The following INPP4B variants were observed in gnomAD, a reference collection of about 807,000 sequenced individuals.
INPP4B encodes the protein inositol polyphosphate-4-phosphatase type II B.
A neutral mutation model predicts 122.5 loss-of-function variants in INPP4B; 55 were observed. The ratio of observed to expected loss-of-function variants is 0.45; its 90% CI spans 0.36 to 0.56. INPP4B has a LOEUF of 0.56. INPP4B is among the 20% of genes least tolerant of loss of function. The pLI, the probability that INPP4B is intolerant of heterozygous loss-of-function variation, is 0.00. For synonymous variants in INPP4B, 403 were observed against 388.7 expected, an observed-to-expected ratio of 1.04 and a Z score of -0.43; for missense variants, 1,000 against 1,097.7, an observed-to-expected ratio of 0.91 and a Z score of 1.26.
chr4:142,781,900 T>G (rs1774883410), intron 1 of INPP4B, among the ~76,000 whole-genome samples: 1 of 152,144 alleles, frequency 6.6e-6, no homozygotes, highest in African/African-American at 2.4e-5. Context: ...GTCCATTGCT[T>G]TACTTACTGG....
intron 2 of INPP4B, among the ~76,000 whole-genome samples, chr4:142,487,419 CGTTT>C (rs745810705): frequency 5.7e-4 from 87 of 152,158 alleles, no homozygotes; most frequent in Non-Finnish European, 8.7e-4. Context: ...TTCTTCAAAA[CGTTT>C]GTCTATTCTT....
intron 25 of INPP4B, among the ~76,000 whole-genome samples, chr4:142,037,994 C>T (rs1745034607): frequency 6.6e-6 from 1 of 152,132 alleles, no homozygotes; most frequent in African/African-American, 2.4e-5. Context: ...CTTGAGAACA[C>T]AGTTTCCCTA....
At chr4:142,560,611 G>A (rs1276266011) in intron 2 of INPP4B, 1 of 152,202 alleles carries the variant, frequency 6.6e-6, no homozygotes, top group Non-Finnish European at 1.5e-5. Flanking sequence ...ACTGGTGTAA[G>A]TCCAAGAGCC....
At chr4:142,409,603 G>C (rs956670421) in intron 5 of INPP4B, among the ~76,000 whole-genome samples, 3 of 151,974 alleles carry the variant, frequency 2.0e-5, no homozygotes, top group African/African-American at 7.3e-5. Context: ...GTCCAGGGAG[G>C]GCTAGGCACT....
chr4:142,197,987 G>C (rs141294298), intron 14 of INPP4B, among the ~76,000 whole-genome samples: 1 of 152,046 alleles, frequency 6.6e-6, no homozygotes, highest in Admixed American at 6.6e-5. Context: ...CAGCAACAAT[G>C]AGCATATACT....
chr4:142,164,482 G>A (rs1240432286), intron 16 of INPP4B, among the ~76,000 whole-genome samples: 1 of 151,730 alleles, frequency 6.6e-6, no homozygotes, highest in Non-Finnish European at 1.5e-5. Flanking sequence ...CTTGATATAG[G>A]AATAGTGCTA....
At chr4:142,426,588 A>G (rs1264562765) in intron 5 of INPP4B, 1 of 152,002 alleles carries the variant, frequency 6.6e-6, no homozygotes, top group Non-Finnish European at 1.5e-5. Context: ...TGTGCTCAAG[A>G]CACTTTTAGC....
At chr4:142,186,181 T>C (rs1833130437) in intron 15 of INPP4B, among the ~76,000 whole-genome samples, 1 of 152,212 alleles carries the variant, frequency 6.6e-6, no homozygotes, top group South Asian at 2.1e-4. Flanking sequence ...ATATATCCTT[T>C]CTATATATTT....
intron 1 of INPP4B, among the ~76,000 whole-genome samples, chr4:142,756,061 C>A (rs999198273): frequency 3.3e-5 from 5 of 152,012 alleles, no homozygotes; most frequent in African/African-American, 1.2e-4. Context: ...GATCCTCTTG[C>A]TAGTGGTTGC....
At chr4:142,242,447 T>C (rs992538934) in intron 11 of INPP4B, among the ~76,000 whole-genome samples, 2 of 152,310 alleles carry the variant, frequency 1.3e-5, no homozygotes, top group Admixed American at 1.3e-4. Flanking sequence ...GTGAATTTCA[T>C]CTGTAGAATT....
chr4:142,215,892 C>CAAAAAAAAAAAAAAAAAAAAAAAAAAAA (rs200657873), intron 12 of INPP4B, among the ~76,000 whole-genome samples: 3 of 54,574 alleles, frequency 5.5e-5, no homozygotes, highest in South Asian at 5.1e-4. Flanking sequence ...GACTCTGTCT[C>CAAAAAAAAAAAAAAAAAAAAAAAAAAAA]AAAAAAAAAA....
At chr4:142,028,954 A>G in intron 25 of INPP4B, 40 bp from the exon 26 acceptor site, 1 of 1,587,892 alleles carries the variant, frequency 6.3e-7, no homozygotes, top group Non-Finnish European at 8.6e-7. Flanking sequence ...TGAAACACAG[A>G]ATAAATAAAT....
chr4:142,154,697 G>A (rs2152882546), intron 17 of INPP4B, among the ~76,000 whole-genome samples: 1 of 152,210 alleles, frequency 6.6e-6, no homozygotes, highest in Non-Finnish European at 1.5e-5. Flanking sequence ...TGGACATAGT[G>A]CAGAATTATA....
chr4:142,491,242 A>G (rs527579551), intron 2 of INPP4B, among the ~76,000 whole-genome samples: 1 of 152,336 alleles, frequency 6.6e-6, no homozygotes, highest in African/African-American at 2.4e-5. Flanking sequence ...TTATATAAAA[A>G]TCAACTCAAA....
intron 2 of INPP4B, among the ~76,000 whole-genome samples, chr4:142,619,194 T>G (rs1392466279): frequency 6.6e-6 from 1 of 151,624 alleles, no homozygotes; most frequent in East Asian, 1.9e-4. Context: ...AAAAAAAAAA[T>G]TAAAAATAGA....
intron 25 of INPP4B, among the ~76,000 whole-genome samples, chr4:142,081,490 G>T (rs1212505732): frequency 6.6e-6 from 1 of 152,114 alleles, no homozygotes; most frequent in East Asian, 1.9e-4. Flanking sequence ...TAAAGTATCA[G>T]TGTCATCCCA....
intron 2 of INPP4B, 175 bp from the exon 3 acceptor site, chr4:142,462,901 T>C (rs1816996437): frequency 1.3e-5 from 2 of 152,230 alleles, no homozygotes; most frequent in Non-Finnish European, 1.5e-5. Context: ...CTATCCCAAA[T>C]TAGTCAGCTT....
intron 25 of INPP4B, among the ~76,000 whole-genome samples, chr4:142,038,351 A>C (rs914654873): frequency 6.6e-6 from 1 of 152,196 alleles, no homozygotes; most frequent in Non-Finnish European, 1.5e-5. Flanking sequence ...ATAATTTAGA[A>C]TATATTATGT....
Position 142,122,082 on chromosome 4 carries a change from G to A in INPP4B, c.2135+46C>T, listed in dbSNP as rs200725656. On this transcript the variant is annotated intron_variant, in intron 21 of 25. Coordinates refer to ENST00000262992, the MANE Select transcript of INPP4B (RefSeq NM_001101669.3). ...TGCCTCCTCTGACAGGAGTTAACACGACATGTCTAACAAAGCCTGGTCTTC... is the reference window on the plus strand; with the variant it reads ...TGCCTCCTCTGACAGGAGTTAACACAACATGTCTAACAAAGCCTGGTCTTC... The A allele has an allele frequency of 1.1e-3, 1,285 of 1,208,562 alleles. 20 individuals carry two copies. In the South Asian group the frequency reaches 0.011, roughly 11 times the overall value. 74.9% of individuals were successfully genotyped at this position (1,208,562 alleles called of 1,614,324 possible).
Sources: allele counts gnomAD v4.1 joint callset (sites outside exome capture counted in the v4.1 genomes callset), GRCh38; gene constraint gnomAD v4.1.1; transcripts MANE v1.5; gene names NCBI Gene and HGNC (gene_info 2026-07-23, HGNC 2026-07-21).